TANC2: variants seen among roughly 807,000 people sequenced by gnomAD.
TANC2 encodes tetratricopeptide repeat, ankyrin repeat and coiled-coil containing 2, also known as protein TANC2.
In TANC2, 26 loss-of-function variants were observed where a neutral mutation model predicts 210.5. The observed-to-expected ratio is 0.12, with a 90% CI of 0.09 to 0.17. The LOEUF (loss-of-function observed/expected upper bound fraction) is 0.17. Among genes scored for constraint, TANC2 ranks in the 10% least tolerant of loss-of-function variants. The pLI is 1.00. For synonymous variants in TANC2, 931 were observed against 967.1 expected, an observed-to-expected ratio of 0.96 and a Z score of 0.69; for missense variants, 2,129 against 2,608.9, an observed-to-expected ratio of 0.82 and a Z score of 4.01.
chr17:63,141,379 TAAAAAAAAAAAAAAAA>T (rs71155970), intron 4 of TANC2, among the ~76,000 whole-genome samples: 29 of 21,876 alleles, frequency 1.3e-3, no homozygotes, highest in South Asian at 9.2e-3. Flanking sequence ...CCGTTTCTAC[TAAAAAAAAAAAAAAAA>T]AAAAAAAAAA....
At chr17:62,998,259 T>C (rs1305764369) in intron 1 of TANC2, among the ~76,000 whole-genome samples, 3 of 152,154 alleles carry the variant, frequency 2.0e-5, no homozygotes, top group Admixed American at 6.5e-5. Flanking sequence ...CTGAGAAATA[T>C]GGGGTTGTGT....
At chr17:63,191,406 A>T (rs1410321272) in intron 5 of TANC2, among the ~76,000 whole-genome samples, 1 of 151,646 alleles carries the variant, frequency 6.6e-6, no homozygotes, top group Non-Finnish European at 1.5e-5. Flanking sequence ...GAAGCTGTTC[A>T]TCTGGTCCTA....
intron 5 of TANC2, chr17:63,152,318 A>G (rs1376112727): frequency 1.3e-5 from 2 of 152,200 alleles, no homozygotes; most frequent in Admixed American, 6.5e-5. Context: ...AAATGTCAGT[A>G]TAATATACCT....
intron 5 of TANC2, among the ~76,000 whole-genome samples, chr17:63,188,766 TAAC>T (rs1474160197): frequency 6.6e-6 from 1 of 152,118 alleles, no homozygotes; most frequent in Non-Finnish European, 1.5e-5. Context: ...TATTTATTAA[TAAC>T]AGCTATACTG....
Position 63,420,498 on chromosome 17 carries a change from T to C in TANC2, c.4768T>C (p.Ser1590Pro). ...TTACAGGCCTAGCCCACCACACACT[T>C]CCCCGGCTCATCAGGGAGGATCTTA... The change falls in exon 28 of 28, where the codon TCC becomes CCC. Residue 1590 changes from serine (S) to proline (P), a missense_variant. Coordinates refer to ENST00000689528, the Ensembl canonical transcript of TANC2. This position sits in a 1 kb window ranked among gnomAD's most constrained non-coding sequence, Gnocchi z 4.2. The C allele has an allele frequency of 6.2e-7, 1 of 1,613,712 alleles. No individual in the cohort carries two copies. Among genetic ancestry groups the C allele is most frequent in the Middle Eastern group, 1.6e-4 (1 of 6,062 alleles).
At chr17:63,337,171 A>G (rs1373835116) in intron 11 of TANC2, among the ~76,000 whole-genome samples, 1 of 152,218 alleles carries the variant, frequency 6.6e-6, no homozygotes, top group Non-Finnish European at 1.5e-5. Flanking sequence ...AAATCTAATG[A>G]AGATGTTGCC....
At chr17:63,028,296 A>C (rs1479731529) in intron 2 of TANC2, among the ~76,000 whole-genome samples, 1 of 152,182 alleles carries the variant, frequency 6.6e-6, no homozygotes, top group Non-Finnish European at 1.5e-5. Flanking sequence ...TAGGGGAAGT[A>C]AAACTTCACT....
At chr17:63,016,345 G>A (rs370604725) in intron 2 of TANC2, among the ~76,000 whole-genome samples, 16 of 152,302 alleles carry the variant, frequency 1.1e-4, no homozygotes, top group African/African-American at 3.8e-4. Flanking sequence ...GGGAGGCCAA[G>A]GTAGGAGGAT....
At chr17:63,161,937 G>A (rs994071975) in intron 5 of TANC2, among the ~76,000 whole-genome samples, 1 of 152,030 alleles carries the variant, frequency 6.6e-6, no homozygotes, top group African/African-American at 2.4e-5. Flanking sequence ...ACTTTGCATT[G>A]ACACTATTAA....
intron 12 of TANC2, among the ~76,000 whole-genome samples, chr17:63,342,154 T>C (rs2046249857): frequency 6.6e-6 from 1 of 152,112 alleles, no homozygotes; most frequent in African/African-American, 2.4e-5. Context: ...CAAATAACAT[T>C]AGATCCTTTT....
chr17:63,173,787 G>T (rs1460710802), intron 5 of TANC2, among the ~76,000 whole-genome samples: 1 of 150,708 alleles, frequency 6.6e-6, no homozygotes. Context: ...TGACTTCCAT[G>T]CTTGAACATA....
intron 4 of TANC2, 105 bp from the exon 5 acceptor site, chr17:63,151,165 T>C (rs1250956277): frequency 4.8e-6 from 2 of 416,594 alleles, no homozygotes; most frequent in African/African-American, 4.3e-5. Flanking sequence ...TGTTTCTCTC[T>C]TTCCCTTTTT....
intron 5 of TANC2, among the ~76,000 whole-genome samples, chr17:63,177,276 A>C (rs868273602): frequency 2.0e-5 from 3 of 151,616 alleles, no homozygotes; most frequent in Admixed American, 6.6e-5. Context: ...AAAAAAAAAA[A>C]AAAAAAACAC....
At chr17:63,190,785 A>T (rs2041159084) in intron 5 of TANC2, among the ~76,000 whole-genome samples, 3 of 152,246 alleles carry the variant, frequency 2.0e-5, no homozygotes, top group Admixed American at 2.0e-4. Flanking sequence ...ACTCATTCTA[A>T]AATACACATT....
intron 12 of TANC2, among the ~76,000 whole-genome samples, chr17:63,344,293 C>T (rs1030102974): frequency 2.0e-5 from 3 of 152,190 alleles, no homozygotes; most frequent in African/African-American, 7.2e-5. Flanking sequence ...TCCATGAAAC[C>T]AGTCCCTCCG....
chr17:63,113,513 A>AT (rs1290675125), intron 4 of TANC2, among the ~76,000 whole-genome samples: 1 of 152,000 alleles, frequency 6.6e-6, no homozygotes, highest in African/African-American at 2.4e-5. Flanking sequence ...CATTTTACTT[A>AT]TTTTTTTCTT....
At chr17:63,354,860 G>A (rs1371799386) in exon 14 of TANC2, 4 of 1,613,344 alleles carry the variant, frequency 2.5e-6, no homozygotes, top group Non-Finnish European at 3.4e-6. Context: ...ACCAGGACCT[G>A]CAGGCTTACA....
intron 2 of TANC2, among the ~76,000 whole-genome samples, chr17:63,018,972 A>G (rs777805582): frequency 1.3e-5 from 2 of 152,114 alleles, no homozygotes; most frequent in Non-Finnish European, 2.9e-5. Flanking sequence ...ATTGTTTCCA[A>G]TTTGTGCTAT....
chr17:62,967,894 A>C (rs1347998705), intron 1 of TANC2, among the ~76,000 whole-genome samples: 1 of 151,984 alleles, frequency 6.6e-6, no homozygotes, highest in Non-Finnish European at 1.5e-5. Context: ...CTGTCAGTGG[A>C]GTGCTTCTTG....
Sources: gnomAD v4.1 joint callset for allele counts (sites outside exome capture counted in the v4.1 genomes callset) on GRCh38, gnomAD v4.1.1 for gene constraint, Gnocchi (gnomAD v3.1) non-coding constraint, MANE v1.5 for transcripts, NCBI Gene and HGNC (gene_info 2026-07-23, HGNC 2026-07-21) for gene names.